The following DYNC2H1 variants were observed in gnomAD, a reference collection of about 807,000 sequenced individuals.
DYNC2H1 encodes the protein cytoplasmic dynein 2 heavy chain 1.
A neutral mutation model predicts 570.0 loss-of-function variants in DYNC2H1; 410 were observed. The observed-to-expected ratio is 0.72, with a 90% confidence interval of 0.66 to 0.78. DYNC2H1 has a LOEUF of 0.78. Among genes scored for constraint, DYNC2H1 ranks in the 30% least tolerant of loss-of-function variants. DYNC2H1 has a pLI of 0.00. For synonymous variants in DYNC2H1, 1,688 were observed against 1,677.6 expected, an observed-to-expected ratio of 1.01 and a Z score of -0.15; for missense variants, 4,865 against 5,046.4, an observed-to-expected ratio of 0.96 and a Z score of 1.09.
intron 88 of DYNC2H1, among the ~76,000 whole-genome samples, chr11:103,468,935 G>A: frequency 6.6e-6 from 1 of 152,250 alleles, no homozygotes; most frequent in African/African-American, 2.4e-5. Flanking sequence ...TTAATTTCTG[G>A]AGAGTTTATA....
At chr11:103,387,664 G>A (rs1396678730) in intron 83 of DYNC2H1, among the ~76,000 whole-genome samples, 1 of 152,100 alleles carries the variant, frequency 6.6e-6, no homozygotes, top group East Asian at 1.9e-4. Flanking sequence ...AATCCATCTT[G>A]AATTAATTTT....
intron 82 of DYNC2H1, among the ~76,000 whole-genome samples, chr11:103,340,701 G>A (rs1422750549): frequency 2.0e-5 from 3 of 152,066 alleles, no homozygotes; most frequent in African/African-American, 7.2e-5. Flanking sequence ...ACTCATGGTA[G>A]TATATTAAAC....
intron 88 of DYNC2H1, among the ~76,000 whole-genome samples, chr11:103,475,706 A>G (rs921973358): frequency 6.6e-6 from 1 of 152,186 alleles, no homozygotes; most frequent in Admixed American, 6.5e-5. Context: ...CTGTAAGACA[A>G]ACAAAGCCTA....
At chr11:103,350,200 C>A (rs1939977732) in intron 82 of DYNC2H1, among the ~76,000 whole-genome samples, 1 of 151,612 alleles carries the variant, frequency 6.6e-6, no homozygotes, top group Non-Finnish European at 1.5e-5. Context: ...ATTTTTGAGG[C>A]CCCCAAATCA....
chr11:103,273,721 G>C (rs1348090502), intron 70 of DYNC2H1, among the ~76,000 whole-genome samples: 1 of 152,124 alleles, frequency 6.6e-6, no homozygotes, highest in East Asian at 1.9e-4. Context: ...GCCATTTCCA[G>C]CTTAGAAAAT....
At chr11:103,197,807 C>A in intron 47 of DYNC2H1, 126 bp from the exon 48 acceptor site, 1 of 1,028,938 alleles carries the variant, frequency 9.7e-7, no homozygotes, top group Non-Finnish European at 1.4e-6. Flanking sequence ...AAGTATTTTG[C>A]CTTTGCCCTT....
intron 20 of DYNC2H1, among the ~76,000 whole-genome samples, chr11:103,149,333 G>T (rs1382546372): frequency 1.3e-5 from 2 of 152,130 alleles, no homozygotes; most frequent in East Asian, 3.8e-4. Flanking sequence ...GAATGGTAAA[G>T]ATTCATAAAA....
intron 82 of DYNC2H1, among the ~76,000 whole-genome samples, chr11:103,337,255 G>A (rs1939186562): frequency 6.6e-6 from 1 of 152,174 alleles, no homozygotes; most frequent in South Asian, 2.1e-4. Flanking sequence ...TCACTGGCTT[G>A]CTGTCAATAA....
At chr11:103,436,379 AG>A (rs745569843) in intron 85 of DYNC2H1, among the ~76,000 whole-genome samples, 5 of 152,060 alleles carry the variant, frequency 3.3e-5, no homozygotes, top group Admixed American at 6.6e-5. Flanking sequence ...GCTTTAAAAA[AG>A]TTTTCTTCAA....
intron 83 of DYNC2H1, among the ~76,000 whole-genome samples, chr11:103,383,903 A>G (rs1360938393): frequency 6.6e-6 from 1 of 152,162 alleles, no homozygotes; most frequent in African/African-American, 2.4e-5. Flanking sequence ...ATTTCATTGT[A>G]ACTTCATCTT....
intron 61 of DYNC2H1, 127 bp downstream of exon 61, chr11:103,234,287 G>GAT (rs1190847929): frequency 9.1e-7 from 1 of 1,102,718 alleles, no homozygotes; most frequent in East Asian, 2.7e-5. Context: ...AAATAATCTG[G>GAT]ATATAAATGG....
At chr11:103,352,229 T>G (rs1185313634) in intron 82 of DYNC2H1, among the ~76,000 whole-genome samples, 1 of 152,076 alleles carries the variant, frequency 6.6e-6, no homozygotes, top group Non-Finnish European at 1.5e-5. Flanking sequence ...AACTCTGATC[T>G]CTTTTGTATC....
At chr11:103,117,160 A>G (rs1460834761) in intron 5 of DYNC2H1, among the ~76,000 whole-genome samples, 1 of 148,534 alleles carries the variant, frequency 6.7e-6, no homozygotes, top group African/African-American at 2.5e-5. Flanking sequence ...GATTGTTTAC[A>G]TAATGCAGTA....
chr11:103,176,898 A>G (rs1268802622), intron 37 of DYNC2H1, among the ~76,000 whole-genome samples: 1 of 151,662 alleles, frequency 6.6e-6, no homozygotes, highest in Non-Finnish European at 1.5e-5. Context: ...TAGAGATGGC[A>G]TTTCACCATG....
intron 68 of DYNC2H1, among the ~76,000 whole-genome samples, chr11:103,257,034 T>C (rs1413484843): frequency 1.3e-5 from 2 of 152,166 alleles, no homozygotes; most frequent in Non-Finnish European, 2.9e-5. Flanking sequence ...TTGTGTGTCC[T>C]CATCACCCCC....
At chr11:103,142,337 A>C (rs1335468657) in intron 17 of DYNC2H1, among the ~76,000 whole-genome samples, 1 of 151,922 alleles carries the variant, frequency 6.6e-6, no homozygotes, top group Non-Finnish European at 1.5e-5. Context: ...AGCTGTTCCT[A>C]TTTGGCCATC....
intron 84 of DYNC2H1, among the ~76,000 whole-genome samples, chr11:103,414,909 CCATGCTTATGTACCACCATA>C (rs1943223984): frequency 6.6e-6 from 1 of 152,124 alleles, no homozygotes; most frequent in Non-Finnish European, 1.5e-5. Flanking sequence ...AAAAAAAATT[CCATGCTTATGTACCACCATA>C]GAATCAATAT....
chr11:103,300,399 G>T (rs1030191474), intron 75 of DYNC2H1, among the ~76,000 whole-genome samples: 2 of 151,628 alleles, frequency 1.3e-5, no homozygotes, highest in Admixed American at 1.3e-4. Flanking sequence ...ATTATTTTTG[G>T]CTCTCTAACT....
Position 103,179,033 on chromosome 11 carries a change from C to T in DYNC2H1, c.6147C>T (p.Ser2049=). ...RQVVREPQDV[S]SWIICDGDID... ...GTTTTGATTTGAAAATAGATGTCAG[C>T]TCATGGATAATCTGTGATGGTGATA... is the stretch of plus-strand genomic sequence containing the variant. The change falls in exon 39 of 89, where the codon AGC becomes AGT. Residue 2049 remains serine, a synonymous_variant. Coordinates refer to ENST00000375735, the MANE Select transcript of DYNC2H1 (RefSeq NM_001377.3). The T allele has an allele frequency of 1.2e-6, 2 of 1,606,662 alleles. No individual in the cohort carries two copies. The highest frequency in any genetic ancestry group is 1.7e-6 in the Non-Finnish European group (2 of 1,175,076).
Sources: gnomAD v4.1 joint callset for allele counts (sites outside exome capture counted in the v4.1 genomes callset) on GRCh38, gnomAD v4.1.1 for gene constraint, MANE v1.5 for transcripts, NCBI Gene and HGNC (gene_info 2026-07-23, HGNC 2026-07-21) for gene names.